Variants in IPO7 observed in about 807,000 individuals in gnomAD.
The protein encoded by IPO7 is importin-7.
In IPO7, 13 loss-of-function variants were observed where a neutral mutation model predicts 136.4. The observed-to-expected ratio is 0.10, with a 90% CI of 0.06 to 0.15. The LOEUF (loss-of-function observed/expected upper bound fraction) is 0.15, where lower values mean the gene tolerates loss of function less well. Ranked by LOEUF, IPO7 falls within the 10% of genes least tolerant of loss-of-function variation. The probability of loss-of-function intolerance (pLI) is 1.00; values close to 1 mark genes in which losing one functional copy is unlikely to be tolerated. For synonymous variants in IPO7, 403 were observed against 404.4 expected, an observed-to-expected ratio of 1.00 and a Z score of 0.04; for missense variants, 857 against 1,240.6, an observed-to-expected ratio of 0.69 and a Z score of 4.65.
chr11:9,436,482 C>G (rs1266811870), intron 20 of IPO7, 116 bp downstream of exon 20: 2 of 596,744 alleles, frequency 3.4e-6, no homozygotes, highest in East Asian at 2.9e-5. Flanking sequence ...ATTGAGACAT[C>G]TAGACAACTA....
chr11:9,384,917 G>T (rs893058544), intron 1 of IPO7, 70 bp downstream of exon 1: 1 of 1,282,530 alleles, frequency 7.8e-7, no homozygotes, highest in Non-Finnish European at 1.1e-6. Flanking sequence ...AGCCCCCGGG[G>T]CCTGGCCGGA....
intron 1 of IPO7, among the ~76,000 whole-genome samples, chr11:9,396,169 G>T (rs1001693316): frequency 6.6e-6 from 1 of 152,054 alleles, no homozygotes; most frequent in Non-Finnish European, 1.5e-5. Flanking sequence ...GCCCAGGTGG[G>T]TGGACCACTT....
chr11:9,397,553 T>G (rs1294520260), intron 1 of IPO7, among the ~76,000 whole-genome samples: 1 of 150,942 alleles, frequency 6.6e-6, no homozygotes, highest in Non-Finnish European at 1.5e-5. Context: ...CCAACATGGC[T>G]TCCAAACATA....
chr11:9,403,920 G>A (rs370980611), intron 2 of IPO7, among the ~76,000 whole-genome samples: 2 of 152,172 alleles, frequency 1.3e-5, no homozygotes, highest in East Asian at 3.9e-4. Flanking sequence ...GGAGTGCAGT[G>A]GTGCGAACTC....
chr11:9,440,169 A>G (rs960871408), intron 22 of IPO7, among the ~76,000 whole-genome samples: 1 of 152,212 alleles, frequency 6.6e-6, no homozygotes, highest in African/African-American at 2.4e-5. Flanking sequence ...TTTAAAAAAA[A>G]TCTTACAAAA....
At chr11:9,394,446 C>G (rs1290432574) in intron 1 of IPO7, among the ~76,000 whole-genome samples, 1 of 152,144 alleles carries the variant, frequency 6.6e-6, no homozygotes, top group Non-Finnish European at 1.5e-5. Context: ...AGGCCTGTTG[C>G]TACTACCTGT....
At chr11:9,437,995 T>G in intron 21 of IPO7, 21 bp downstream of exon 21, 1 of 1,602,658 alleles carries the variant, frequency 6.2e-7, no homozygotes, top group Non-Finnish European at 8.5e-7. Flanking sequence ...TATTGCAATT[T>G]TACTACATTT....
chr11:9,435,536 T>TC (rs1489689652), intron 19 of IPO7, among the ~76,000 whole-genome samples: 2 of 152,366 alleles, frequency 1.3e-5, no homozygotes, highest in Non-Finnish European at 2.9e-5. Context: ...AATGATTTGC[T>TC]CCATGAAGTT....
intron 24 of IPO7, among the ~76,000 whole-genome samples, chr11:9,442,879 C>G (rs1009202924): frequency 6.6e-6 from 1 of 152,030 alleles, no homozygotes; most frequent in Non-Finnish European, 1.5e-5. Context: ...AAAAACTAGC[C>G]AGGCATGGTG....
At chr11:9,440,395 A>T (rs556233539) in intron 22 of IPO7, 60 bp from the exon 23 acceptor site, 1 of 1,358,828 alleles carries the variant, frequency 7.4e-7, no homozygotes, top group Non-Finnish European at 1.0e-6. Context: ...GATGATTGTC[A>T]ATTTGTTGAG....
chr11:9,424,558 A>G (rs1051473962), intron 10 of IPO7, among the ~76,000 whole-genome samples: 2 of 152,174 alleles, frequency 1.3e-5, no homozygotes, highest in African/African-American at 4.8e-5. Context: ...AGCCTGACCA[A>G]TATAGTGAAA....
At chr11:9,421,627 CA>C (rs993969580) in intron 8 of IPO7, among the ~76,000 whole-genome samples, 97 of 136,218 alleles carry the variant, frequency 7.1e-4, no homozygotes, top group Admixed American at 5.4e-4. Context: ...GACTCCATCT[CA>C]AAAAAAAAAA....
rs758121414 is a variant in IPO7, at chr11:9,438,062, T to G, written c.2490-18T>G. The stretch of plus-strand genomic sequence containing the variant: ...AGAAAACAGTTTTTTTTTTTTTTTT[T>G]TTTTTTTTTTTTTTTAGGCTTCATG... On this transcript the variant is annotated intron_variant, in intron 21 of 24. Coordinates refer to ENST00000379719, the MANE Select transcript of IPO7 (RefSeq NM_006391.3). 158 of 1,217,544 alleles carry G rather than the reference T, an allele frequency of 1.3e-4. No individual in the cohort carries two copies. The highest frequency in any genetic ancestry group is 6.9e-4 in the Admixed American group (23 of 33,506). The allele number at this position is 1,217,544 out of a possible 1,614,324, so 75.4% of individuals were successfully genotyped here.
chr11:9,440,935 A>G (rs1419386257), intron 23 of IPO7, among the ~76,000 whole-genome samples: 2 of 152,172 alleles, frequency 1.3e-5, no homozygotes, highest in African/African-American at 4.8e-5. Context: ...GCTACTTCTG[A>G]TTCCCAATCT....
At chr11:9,394,283 T>C (rs1854679300) in intron 1 of IPO7, among the ~76,000 whole-genome samples, 1 of 152,124 alleles carries the variant, frequency 6.6e-6, no homozygotes, top group Non-Finnish European at 1.5e-5. Flanking sequence ...AGGGATAAGA[T>C]TGTAAGTTAA....
chr11:9,440,677 A>T lies in IPO7; in HGVS notation c.2902+16A>T. On this transcript the variant is annotated intron_variant, in intron 23 of 24. Transcript: ENST00000379719. Reference sequence around the variant, plus strand: ...ATCTTTCAAAGTAAGTCAACTTGTTACATGTGGATCCATTTCATTGAACAA... The same window carrying T: ...ATCTTTCAAAGTAAGTCAACTTGTTTCATGTGGATCCATTTCATTGAACAA... 2 of 1,540,168 alleles carry T rather than the reference A, an allele frequency of 1.3e-6. No individual in the cohort carries two copies. The highest frequency in any genetic ancestry group is 1.8e-6 in the Non-Finnish European group (2 of 1,113,582).
intron 2 of IPO7, among the ~76,000 whole-genome samples, chr11:9,407,838 T>C (rs1404039539): frequency 6.6e-6 from 1 of 152,166 alleles, no homozygotes; most frequent in African/African-American, 2.4e-5. Flanking sequence ...AAGTGCTGGG[T>C]AAAAAGCTTT....
rs561262530 is a variant in IPO7 at position 9,407,570 on chromosome 11, G to A, written c.167-916G>A. Among the ~76,000 whole-genome samples the A allele has an allele frequency of 2.6e-5, 4 of 152,176 alleles. No homozygotes were observed. In the South Asian group the frequency reaches 8.3e-4, roughly 32 times the overall value. On this transcript the variant is annotated intron_variant, in intron 2 of 24. Transcript: ENST00000379719. Reference sequence around the variant, plus strand: ...CTCCATCTCATAAAAATACCTTGTTGAGGGGTATTTTAATATATAATCTTA... The same window carrying A: ...CTCCATCTCATAAAAATACCTTGTTAAGGGGTATTTTAATATATAATCTTA...
At chr11:9,385,006 C>CGGTGT (rs1283955190) in intron 1 of IPO7, among the ~76,000 whole-genome samples, 159 bp downstream of exon 1, 1 of 152,114 alleles carries the variant, frequency 6.6e-6, no homozygotes, top group Non-Finnish European at 1.5e-5. Flanking sequence ...CGGGGCGCCT[C>CGGTGT]GGTGTGGTGT....
Sources: allele counts gnomAD v4.1 joint callset (sites outside exome capture counted in the v4.1 genomes callset), GRCh38; gene constraint gnomAD v4.1.1; transcripts MANE v1.5; gene names NCBI Gene and HGNC (gene_info 2026-07-23, HGNC 2026-07-21).